Variants in TPD52L1 observed in about 807,000 individuals in gnomAD.
TPD52L1 encodes TPD52 like 1.
In TPD52L1, 18 loss-of-function variants were observed where a neutral mutation model predicts 28.7. The ratio of observed to expected loss-of-function variants is 0.63; its 90% CI spans 0.43 to 0.93. TPD52L1 has a LOEUF of 0.93. Ranked by LOEUF, TPD52L1 falls within the 40% of genes least tolerant of loss-of-function variation. The pLI is 0.00. For synonymous variants in TPD52L1, 75 were observed against 88.8 expected, an observed-to-expected ratio of 0.84 and a Z score of 0.88; for missense variants, 203 against 254.8, an observed-to-expected ratio of 0.80 and a Z score of 1.39.
chr6:125,255,571 G>A (rs2873639), intron 5 of TPD52L1, among the ~76,000 whole-genome samples: 39,536 of 152,040 alleles, frequency 0.26, 5,687 homozygotes, highest in Admixed American at 0.4. Flanking sequence ...ACCATGTGGA[G>A]CACCAAGGAC....
rs564185872 is a variant in TPD52L1 at position 125,215,683 on chromosome 6, C to T, written c.20-4395C>T. Among the ~76,000 whole-genome samples, 3 of 152,282 alleles carry T rather than the reference C, an allele frequency of 2.0e-5. No homozygotes were observed. In the East Asian group the frequency reaches 5.8e-4, roughly 29 times the overall value. ...TTTCTCACTTTGTAAGGTTTATGCGCTCCCCCTCTGAAAAGTGGAAGCTAC... is the reference window on the plus strand; with the variant it reads ...TTTCTCACTTTGTAAGGTTTATGCGTTCCCCCTCTGAAAAGTGGAAGCTAC... On this transcript the variant is annotated intron_variant, in intron 1 of 6. Coordinates refer to ENST00000534000, the MANE Select transcript of TPD52L1 (RefSeq NM_003287.4).
intron 3 of TPD52L1, among the ~76,000 whole-genome samples, chr6:125,235,764 G>A (rs1253092209): frequency 6.6e-6 from 1 of 152,138 alleles, no homozygotes; most frequent in African/African-American, 2.4e-5. Flanking sequence ...TGGTTAGCTG[G>A]GCTCAGTGGC....
chr6:125,175,433 C>T (rs988752673), intron 1 of TPD52L1, among the ~76,000 whole-genome samples: 68 of 152,150 alleles, frequency 4.5e-4, no homozygotes, highest in African/African-American at 1.6e-3. Context: ...TACTCTACCA[C>T]TGGTATTAAA....
chr6:125,257,282 C>T lies in TPD52L1; in HGVS notation c.486+124C>T, dbSNP rs1797664399. ...AGGCTTGCATCAAGTCAGACCTTTT[C>T]TTTCACATATAAATCTATGAATAAA... On this transcript the variant is annotated intron_variant, in intron 6 of 6. Transcript: ENST00000534000. 4.5e-6 allele frequency: 3 copies of T among 664,984 alleles called. No individual in the cohort carries two copies. In the African/African-American group the frequency reaches 5.5e-5, roughly 12 times the overall value. 41.2% of individuals were successfully genotyped at this position (664,984 alleles called of 1,614,324 possible). A position where few individuals can be genotyped will look rare whatever the true frequency, so the allele number is the denominator to read the frequency against.
At chr6:125,177,698 A>G (rs1791909255) in intron 1 of TPD52L1, among the ~76,000 whole-genome samples, 1 of 152,198 alleles carries the variant, frequency 6.6e-6, no homozygotes, top group Non-Finnish European at 1.5e-5. Context: ...AAAAGTTAAC[A>G]TTTTTAAATT....
intron 1 of TPD52L1, among the ~76,000 whole-genome samples, chr6:125,161,217 A>G (rs1042563140): frequency 6.6e-6 from 1 of 152,194 alleles, no homozygotes; most frequent in South Asian, 2.1e-4. Flanking sequence ...TTTGTTGCAC[A>G]GCTTTCTCAT....
At position 125,253,716 on chromosome 6, in the gene TPD52L1, G is replaced by T. The variant is rs1245643869; in HGVS notation, c.387-1G>T. ...CCCTTTAATCTGCTTTTGCTCTGAAGTTACTCCATTCGCCATTCCATAAGT... is the reference window on the plus strand; with the variant it reads ...CCCTTTAATCTGCTTTTGCTCTGAATTTACTCCATTCGCCATTCCATAAGT... On this transcript the variant is annotated splice_acceptor_variant, in intron 4 of 6. Coordinates refer to ENST00000534000, the MANE Select transcript of TPD52L1 (RefSeq NM_003287.4). LOFTEE classifies it high-confidence loss of function. 1.2e-6 allele frequency: 2 copies of T among 1,613,202 alleles called. No individual in the cohort carries two copies. Among genetic ancestry groups the T allele is most frequent in the Non-Finnish European group, 1.7e-6 (2 of 1,179,698 alleles).
intron 6 of TPD52L1, chr6:125,261,014 GAAAGAAAAGAAAAGAAAGA>G (rs1797999652): frequency 2.3e-5 from 1 of 43,046 alleles, no homozygotes; most frequent in African/African-American, 1.6e-4. Flanking sequence ...AAGAAAGAAA[GAAAGAAAAGAAAAGAAAGA>G]AAGAAAGAAA....
chr6:125,163,818 G>A (rs1334872482), intron 1 of TPD52L1, among the ~76,000 whole-genome samples: 1 of 149,862 alleles, frequency 6.7e-6, no homozygotes. Context: ...TTGGGAGGCT[G>A]AAGCAGGAGA....
chr6:125,180,370 C>T (rs1792105380), intron 1 of TPD52L1, among the ~76,000 whole-genome samples: 1 of 152,066 alleles, frequency 6.6e-6, no homozygotes, highest in Non-Finnish European at 1.5e-5. Context: ...GAGTCTTTCC[C>T]AGAATTATCT....
chr6:125,259,710 A>G (rs761956324), intron 6 of TPD52L1, among the ~76,000 whole-genome samples: 15 of 152,222 alleles, frequency 9.9e-5, no homozygotes, highest in Non-Finnish European at 2.2e-4. Flanking sequence ...CCAAAACCTT[A>G]AAAAGAAAAG....
chr6:125,219,605 T>C (rs1414425044), intron 1 of TPD52L1, among the ~76,000 whole-genome samples: 1 of 152,218 alleles, frequency 6.6e-6, no homozygotes, highest in African/African-American at 2.4e-5. Flanking sequence ...AGTTTCAAGA[T>C]GGGCAACTTG....
intron 3 of TPD52L1, among the ~76,000 whole-genome samples, chr6:125,240,471 T>C (rs1796555221): frequency 6.6e-6 from 1 of 152,214 alleles, no homozygotes; most frequent in African/African-American, 2.4e-5. Context: ...GAGTTTTCAT[T>C]TGTTTGTGTT....
intron 3 of TPD52L1, among the ~76,000 whole-genome samples, chr6:125,231,609 TTTG>T (rs144723103): frequency 0.49 from 74,459 of 151,068 alleles, 19,340 homozygotes; most frequent in African/African-American, 0.65. Context: ...AGTTTGAGTT[TTTG>T]TTGTTGTTGT....
chr6:125,244,721 G>T (rs554185244), intron 3 of TPD52L1, among the ~76,000 whole-genome samples: 5 of 152,266 alleles, frequency 3.3e-5, no homozygotes, highest in African/African-American at 1.2e-4. Context: ...GCAGTAGAGT[G>T]CCAGGGGAAA....
At chr6:125,223,568 G>C (rs1276532757) in intron 2 of TPD52L1, among the ~76,000 whole-genome samples, 1 of 151,962 alleles carries the variant, frequency 6.6e-6, no homozygotes, top group Non-Finnish European at 1.5e-5. Context: ...AATTAGTCAG[G>C]CATGGTGGCA....
intron 3 of TPD52L1, among the ~76,000 whole-genome samples, 181 bp downstream of exon 3, chr6:125,229,447 A>G (rs1251093872): frequency 6.6e-6 from 1 of 152,232 alleles, no homozygotes; most frequent in African/African-American, 2.4e-5. Context: ...TGTGAAGCAG[A>G]TTCTATAAAG....
chr6:125,229,047 C>G lies in TPD52L1; in HGVS notation c.136-71C>G, dbSNP rs1313029176. 9 of 1,535,768 alleles carry G rather than the reference C, an allele frequency of 5.9e-6. No homozygotes were observed. The Admixed American group carries it at 1.7e-4, about 29-fold the overall frequency. On this transcript the variant is annotated intron_variant, in intron 2 of 6. Coordinates refer to ENST00000534000, the MANE Select transcript of TPD52L1 (RefSeq NM_003287.4). ...AGGGTCAGAGGCTGCTTTGGAATAC[C>G]CAGAGCTTCTGTAAGTATCCTTTTT...
intron 3 of TPD52L1, among the ~76,000 whole-genome samples, chr6:125,243,740 A>T (rs972950116): frequency 1.3e-5 from 2 of 152,022 alleles, no homozygotes; most frequent in Admixed American, 6.6e-5. Flanking sequence ...TTTTCAGCCA[A>T]CTTACCTTTC....
Sources: gnomAD v4.1 joint callset for allele counts (sites outside exome capture counted in the v4.1 genomes callset) on GRCh38, gnomAD v4.1.1 for gene constraint, MANE v1.5 for transcripts, NCBI Gene and HGNC (gene_info 2026-07-23, HGNC 2026-07-21) for gene names.